Variants in ACCSL observed in about 807,000 individuals in gnomAD.
ACCSL encodes the protein probable inactive 1-aminocyclopropane-1-carboxylate synthase-like protein 2.
In ACCSL, 55 loss-of-function variants were observed where a neutral mutation model predicts 61.7. That is an observed-to-expected ratio of 0.89 (90% CI 0.72 to 1.12). The LOEUF is 1.12. Among genes scored for constraint, ACCSL ranks in the 50% most tolerant of loss-of-function variants. ACCSL has a pLI of 0.00. For missense variants in ACCSL, 632 were observed against 698.0 expected (o/e 0.91, Z 1.07); for synonymous variants, 258 against 264.3 (o/e 0.98, Z 0.23).
the ACCSL span, among the ~76,000 whole-genome samples, chr11:43,976,849 A>G: frequency 6.6e-6 from 1 of 152,236 alleles, no homozygotes; most frequent in African/African-American, 2.4e-5. Context: ...ACAAGTTCTG[A>G]TGAACACATT....
intron 11 of ACCSL, among the ~76,000 whole-genome samples, chr11:44,056,608 G>A (rs1329368329): frequency 1.3e-5 from 2 of 152,112 alleles, no homozygotes; most frequent in African/African-American, 4.8e-5. Context: ...CGAGGTGGGC[G>A]GATCACTTGA....
the ACCSL span, among the ~76,000 whole-genome samples, chr11:44,001,775 C>CTCTGTG: frequency 1.0e-5 from 1 of 96,768 alleles, no homozygotes; most frequent in African/African-American, 4.3e-5. Context: ...GGTAAAGGGG[C>CTCTGTG]TGTGTGTGTG....
At position 44,050,607 on chromosome 11, in the gene ACCSL, G is replaced by A. The variant is rs766922493; in HGVS notation, c.620G>A (p.Trp207Ter). 65 of 1,613,924 alleles carry A rather than the reference G, an allele frequency of 4.0e-5. No individual in the cohort carries two copies. The highest frequency in any genetic ancestry group is 5.3e-5 in the Non-Finnish European group (62 of 1,179,998). ...GACACCTTGCTTCAGTACCCTGATT[G>A]GAGAGGGCAGCCATTGTAAGTGACC... The part of the protein sequence containing the change: ...IEDTLLQYPD[W>*]RGQPFLREEV... The change falls in exon 3 of 14, where the codon TGG (tryptophan) becomes TAG (stop). Residue 207 changes from tryptophan (W) to a stop codon, truncating the protein, a stop_gained. Coordinates refer to ENST00000378832, the MANE Select transcript of ACCSL (RefSeq NM_001031854.2). LOFTEE classifies it high-confidence loss of function.
the ACCSL span, among the ~76,000 whole-genome samples, chr11:43,936,093 G>T: frequency 6.6e-6 from 1 of 152,226 alleles, no homozygotes; most frequent in Admixed American, 6.5e-5. Flanking sequence ...TTGGAGGAAA[G>T]AAAAATGTTG....
chr11:43,999,859 A>G, the ACCSL span, among the ~76,000 whole-genome samples: 1 of 152,188 alleles, frequency 6.6e-6, no homozygotes, highest in Non-Finnish European at 1.5e-5. Flanking sequence ...TTCAGAAAAA[A>G]ATAAATCATA....
At chr11:44,035,629 A>G in the ACCSL span, among the ~76,000 whole-genome samples, 1 of 152,266 alleles carries the variant, frequency 6.6e-6, no homozygotes, top group South Asian at 2.1e-4. Context: ...TCTGGGAGGC[A>G]TTAGAACCAT....
chr11:43,937,635 C>T, the ACCSL span, among the ~76,000 whole-genome samples: 2 of 152,166 alleles, frequency 1.3e-5, no homozygotes, highest in African/African-American at 4.8e-5. Context: ...TGGACTGTTC[C>T]AGCCCTCCTC....
chr11:44,026,363 C>T, the ACCSL span, among the ~76,000 whole-genome samples: 38 of 152,024 alleles, frequency 2.5e-4, no homozygotes, highest in Non-Finnish European at 7.4e-5. Context: ...CTTAGAATTC[C>T]TATTTGCTTC....
At chr11:43,970,790 G>A in the ACCSL span, among the ~76,000 whole-genome samples, 1 of 152,106 alleles carries the variant, frequency 6.6e-6, no homozygotes, top group South Asian at 2.1e-4. Flanking sequence ...ACTATCATGA[G>A]TTATATTGAG....
At chr11:43,964,739 A>G in the ACCSL span, among the ~76,000 whole-genome samples, 2 of 152,214 alleles carry the variant, frequency 1.3e-5, no homozygotes, top group Non-Finnish European at 2.9e-5. Context: ...AAAAAGGATT[A>G]TACACCATGA....
intron 13 of ACCSL, among the ~76,000 whole-genome samples, chr11:44,058,992 C>T (rs1952689833): frequency 6.6e-6 from 1 of 152,130 alleles, no homozygotes; most frequent in South Asian, 2.1e-4. Context: ...CCTGTAATCC[C>T]AGCACTTTGG....
intron 1 of ACCSL, among the ~76,000 whole-genome samples, chr11:44,049,516 C>T (rs963052642): frequency 2.0e-5 from 3 of 151,650 alleles, no homozygotes; most frequent in African/African-American, 7.3e-5. Flanking sequence ...AGCAGCTCTC[C>T]AGCCAGAGGG....
the ACCSL span, among the ~76,000 whole-genome samples, chr11:43,979,761 C>T: frequency 1.2e-4 from 18 of 150,378 alleles, no homozygotes; most frequent in African/African-American, 4.2e-4. Flanking sequence ...GCAGGAGAAT[C>T]GCTTGAACCC....
the ACCSL span, among the ~76,000 whole-genome samples, chr11:44,005,330 G>T: frequency 2.0e-5 from 3 of 152,120 alleles, no homozygotes; most frequent in East Asian, 3.9e-4. Flanking sequence ...GGCTGCACGT[G>T]CAGGCTTCTG....
At chr11:43,999,801 T>TA in the ACCSL span, among the ~76,000 whole-genome samples, 2 of 152,134 alleles carry the variant, frequency 1.3e-5, no homozygotes, top group Non-Finnish European at 2.9e-5. Flanking sequence ...GTAGTAGGTA[T>TA]AATCTGCTCT....
chr11:44,048,610 G>A, intron 1 of ACCSL, 70 bp downstream of exon 1: 2 of 1,450,810 alleles, frequency 1.4e-6, no homozygotes, highest in Non-Finnish European at 1.9e-6. Flanking sequence ...CTGAGTCCTG[G>A]GCCAAGTGCT....
At chr11:43,934,486 A>C in the ACCSL span, among the ~76,000 whole-genome samples, 1 of 152,128 alleles carries the variant, frequency 6.6e-6, no homozygotes, top group Non-Finnish European at 1.5e-5. Flanking sequence ...GCGCACACAC[A>C]TGCGCACACA....
At chr11:43,945,665 G>A in the ACCSL span, 5 of 134,182 alleles carry the variant, frequency 3.7e-5, no homozygotes, top group African/African-American at 1.5e-4. Flanking sequence ...GCAACATGGT[G>A]AAATCCTATC....
chr11:44,030,255 G>A, the ACCSL span, among the ~76,000 whole-genome samples: 1 of 150,504 alleles, frequency 6.6e-6, no homozygotes, highest in African/African-American at 2.4e-5. Context: ...CAACAAATTT[G>A]AGGAGTCTTG....
Sources: allele counts gnomAD v4.1 joint callset (sites outside exome capture counted in the v4.1 genomes callset), GRCh38; gene constraint gnomAD v4.1.1; transcripts MANE v1.5; gene names NCBI Gene and HGNC (gene_info 2026-07-23, HGNC 2026-07-21).